Variants in CEP126 observed in about 807,000 individuals in gnomAD.
CEP126 encodes centrosomal protein of 126 kDa.
In CEP126, 74 loss-of-function variants were observed where a neutral mutation model predicts 107.8. The ratio of observed to expected loss-of-function variants is 0.69; its 90% CI spans 0.57 to 0.83. CEP126 has a LOEUF of 0.83. Among genes scored for constraint, CEP126 ranks in the 40% least tolerant of loss-of-function variants. The pLI, the probability that CEP126 is intolerant of heterozygous loss-of-function variation, is 0.00. For synonymous variants in CEP126, 449 were observed against 446.0 expected (o/e 1.01, Z -0.08); for missense variants, 1,237 against 1,281.9 (o/e 0.96, Z 0.53).
chr11:101,924,180 T>A (rs1048940725), intron 2 of CEP126, among the ~76,000 whole-genome samples: 1 of 152,196 alleles, frequency 6.6e-6, no homozygotes, highest in African/African-American at 2.4e-5. Flanking sequence ...TTATTGTGTT[T>A]TATTTTCCGT....
chr11:101,954,793 T>G (rs1265642077), intron 4 of CEP126, among the ~76,000 whole-genome samples: 3 of 152,120 alleles, frequency 2.0e-5, no homozygotes, highest in Non-Finnish European at 4.4e-5. Context: ...AAGTGCTTTG[T>G]AAAATTTGAA....
At chr11:101,961,348 C>A (rs1940966753) in intron 5 of CEP126, among the ~76,000 whole-genome samples, 1 of 152,120 alleles carries the variant, frequency 6.6e-6, no homozygotes, top group Non-Finnish European at 1.5e-5. Context: ...TCATTCAAGT[C>A]CAGTGAATGT....
rs529265487 is a variant in CEP126 at position 101,939,854 on chromosome 11, C to G, written c.249-4411C>G. On this transcript the variant is annotated intron_variant, in intron 2 of 10. Transcript: ENST00000263468. ...CAGCCATGGATTTCTCAAACCAACTCTCAGATATACAGTGTTGTGTAGAGT... is the reference window on the plus strand; with the variant it reads ...CAGCCATGGATTTCTCAAACCAACTGTCAGATATACAGTGTTGTGTAGAGT... Among the ~76,000 whole-genome samples the G allele has an allele frequency of 2.6e-5, 4 of 152,276 alleles. No individual in the cohort carries two copies. In the South Asian group the frequency reaches 8.3e-4, roughly 32 times the overall value.
intron 9 of CEP126, among the ~76,000 whole-genome samples, chr11:101,992,200 G>A (rs1219413865): frequency 6.6e-6 from 1 of 151,926 alleles, no homozygotes; most frequent in Non-Finnish European, 1.5e-5. Flanking sequence ...CTAAGGCTAT[G>A]AGTTTAAGAT....
At chr11:101,916,423 G>C (rs899858488) in intron 1 of CEP126, 1 of 152,152 alleles carries the variant, frequency 6.6e-6, no homozygotes, top group Non-Finnish European at 1.5e-5. Context: ...TCTCTTCTCC[G>C]ATCATGCTTT....
Position 101,963,482 on chromosome 11 carries a change from T to G in CEP126, c.2447T>G (p.Ile816Arg). 9.9e-6 allele frequency: 16 copies of G among 1,614,136 alleles called. No individual in the cohort carries two copies. The highest frequency in any genetic ancestry group is 1.4e-5 in the Non-Finnish European group (16 of 1,179,998). The change falls in exon 6 of 11, where the codon ATA (isoleucine) becomes AGA (arginine). Residue 816 changes from isoleucine to arginine, a missense_variant. Ile to Arg is a moderately conservative substitution (Grantham distance 97, BLOSUM62 -3). Coordinates refer to ENST00000263468, the MANE Select transcript of CEP126 (RefSeq NM_020802.4). ...STSNIRSGKN[I>R]QVSQCQPVTP... ...TCAAATATTAGAAGTGGTAAAAATA[T>G]ACAAGTGTCTCAGTGTCAACCAGTA...
intron 2 of CEP126, among the ~76,000 whole-genome samples, chr11:101,926,324 A>T (rs906588919): frequency 6.6e-6 from 1 of 152,192 alleles, no homozygotes. Flanking sequence ...ATTTAGAGAG[A>T]ACAATATGTG....
rs760130123 is a variant in CEP126 at position 101,963,608 on chromosome 11, G to A, written c.2573G>A (p.Ser858Asn). Residue 858 changes from serine (S) to asparagine (N), a missense_variant, in exon 6 of 11, where the codon AGT becomes AAT. By Grantham distance (46) the Ser-to-Asn change is conservative (BLOSUM62 1). This residue lies in a region of CEP126 where 1,134 missense variants were observed against 1,150.5 expected (regional missense o/e 0.99). Coordinates refer to ENST00000263468, the MANE Select transcript of CEP126 (RefSeq NM_020802.4). ...HSLNQWNQES[S>N]SPLSNACSDL... ...TTGAATCAGTGGAATCAGGAAAGTA[G>A]TTCTCCACTCTCAAATGCTTGTTCT... 6.2e-7 allele frequency: 1 copy of A among 1,614,130 alleles called. No homozygotes were observed. Among genetic ancestry groups the A allele is most frequent in the East Asian group, 2.2e-5 (1 of 44,870 alleles).
At chr11:101,990,178 A>T (rs2137134230) in intron 9 of CEP126, among the ~76,000 whole-genome samples, 1 of 110,564 alleles carries the variant, frequency 9.0e-6, no homozygotes, top group Non-Finnish European at 2.0e-5. Flanking sequence ...ACACCTACTC[A>T]GATTCTTCTC....
intron 2 of CEP126, among the ~76,000 whole-genome samples, chr11:101,934,451 T>C (rs1386985956): frequency 1.3e-5 from 2 of 152,056 alleles, no homozygotes; most frequent in African/African-American, 2.4e-5. Flanking sequence ...TCTAGTACCC[T>C]GAATTCAACA....
At chr11:101,993,570 G>A (rs10895236) in intron 10 of CEP126, among the ~76,000 whole-genome samples, 9,845 of 152,158 alleles carry the variant, frequency 0.065, 530 homozygotes, top group East Asian at 0.27. Flanking sequence ...GTATATACCC[G>A]ATAATGGGAT....
intron 2 of CEP126, among the ~76,000 whole-genome samples, chr11:101,937,037 T>G (rs1270755479): frequency 6.6e-6 from 1 of 152,206 alleles, no homozygotes; most frequent in Non-Finnish European, 1.5e-5. Context: ...ATGAGTTATC[T>G]TGGGAATGAG....
At chr11:101,972,069 C>G (rs1041853974) in intron 6 of CEP126, among the ~76,000 whole-genome samples, 3 of 151,172 alleles carry the variant, frequency 2.0e-5, no homozygotes, top group Non-Finnish European at 2.9e-5. Context: ...GAACATGCCA[C>G]TGCACTCCAG....
At position 101,915,051 on chromosome 11, in the gene CEP126, G is replaced by A. The variant is rs1216481567; in HGVS notation, c.-234G>A. The A allele has an allele frequency of 6.2e-5, 31 of 501,310 alleles. 1 individual carries two copies. In the South Asian group the frequency reaches 1.1e-3, roughly 18 times the overall value. 31.1% of individuals were successfully genotyped at this position (501,310 alleles called of 1,614,324 possible). On this transcript the variant is annotated 5_prime_UTR_variant, in exon 1 of 11. Transcript: ENST00000263468. ...TCAAGATGGCGGCTGCAGGGTTGCT[G>A]CCGCCCCATCTGCTATTGCCCGGCG...
intron 9 of CEP126, among the ~76,000 whole-genome samples, chr11:101,991,781 T>C (rs1331530824): frequency 3.3e-5 from 5 of 152,184 alleles, no homozygotes; most frequent in African/African-American, 9.7e-5. Flanking sequence ...CACATCATCA[T>C]TGATGGATCT....
chr11:101,996,806 T>C (rs568208302), intron 10 of CEP126, among the ~76,000 whole-genome samples: 5 of 152,292 alleles, frequency 3.3e-5, no homozygotes, highest in East Asian at 3.9e-4. Flanking sequence ...AATGTTCCCA[T>C]AGGTTTCCTT....
intron 2 of CEP126, among the ~76,000 whole-genome samples, chr11:101,927,371 G>C (rs1481957354): frequency 6.6e-6 from 1 of 151,968 alleles, no homozygotes; most frequent in African/African-American, 2.4e-5. Flanking sequence ...AGATTCACAG[G>C]CAATTGTAAA....
intron 2 of CEP126, among the ~76,000 whole-genome samples, chr11:101,941,822 G>T (rs1278913345): frequency 1.3e-5 from 2 of 151,854 alleles, no homozygotes; most frequent in African/African-American, 2.4e-5. Context: ...ATTTAGTTTT[G>T]TTTTTTAAAT....
Position 101,935,522 on chromosome 11 carries a change from G to A in CEP126, c.249-8743G>A, listed in dbSNP as rs182048850. The stretch of plus-strand genomic sequence containing the variant: ...TTATATGTGTGTGGTATGATATAAG[G>A]GTTGAGTGGTTTTTTCACATAAGTT... On this transcript the variant is annotated intron_variant, in intron 2 of 10. Coordinates refer to ENST00000263468, the MANE Select transcript of CEP126 (RefSeq NM_020802.4). 2.7e-3 allele frequency among the ~76,000 whole-genome samples: 408 copies of A among 152,104 alleles called. 2 individuals carry two copies. Among genetic ancestry groups the A allele is most frequent in the African/African-American group, 9.4e-3 (391 of 41,532 alleles).
Sources: gnomAD v4.1 joint callset for allele counts (sites outside exome capture counted in the v4.1 genomes callset) on GRCh38, gnomAD v4.1.1 for gene constraint, gnomAD v4.1.1 regional missense constraint, MANE v1.5 for transcripts, NCBI Gene and HGNC (gene_info 2026-07-23, HGNC 2026-07-21) for gene names.